The following CACNA1S variants were observed in gnomAD, a reference collection of about 807,000 sequenced individuals.
CACNA1S encodes voltage-dependent L-type calcium channel subunit alpha-1S.
In CACNA1S, 126 loss-of-function variants were observed where a neutral mutation model predicts 207.4. That is an observed-to-expected ratio of 0.61 (90% CI 0.53 to 0.70). CACNA1S has a LOEUF of 0.70. Ranked by LOEUF, CACNA1S falls within the 30% of genes least tolerant of loss-of-function variation. CACNA1S has a pLI of 0.00. For synonymous variants in CACNA1S, 960 were observed against 932.7 expected, an observed-to-expected ratio of 1.03 and a Z score of -0.53; for missense variants, 2,349 against 2,422.8, an observed-to-expected ratio of 0.97 and a Z score of 0.64.
intron 32 of CACNA1S, among the ~76,000 whole-genome samples, chr1:201,052,296 G>A (rs927663332): frequency 6.6e-6 from 1 of 152,244 alleles, no homozygotes. Flanking sequence ...GATGAGATGG[G>A]AGGAAAATGC....
Position 201,043,301 on chromosome 1 carries a change from G to C in CACNA1S, c.5028C>G (p.Ser1676Arg). ...ANVAYGNSNH[S>R]NSHVFSSVHY... Reference sequence around the variant, plus strand: ...ACTACCTGGAAAACACATGGCTGTTGCTATGGTTGCTGTTGCCATAGGCGA... The same window carrying C: ...ACTACCTGGAAAACACATGGCTGTTCCTATGGTTGCTGTTGCCATAGGCGA... The change falls in exon 40 of 44, where the codon AGC becomes AGG. Residue 1676 changes from serine to arginine, a missense_variant. Coordinates refer to ENST00000362061, the MANE Select transcript of CACNA1S (RefSeq NM_000069.3). 1.2e-6 allele frequency: 2 copies of C among 1,614,214 alleles called. No homozygotes were observed. Among genetic ancestry groups the C allele is most frequent in the Admixed American group, 1.7e-5 (1 of 60,030 alleles).
At chr1:201,105,818 G>A (rs1170966359) in intron 2 of CACNA1S, among the ~76,000 whole-genome samples, 2 of 152,062 alleles carry the variant, frequency 1.3e-5, no homozygotes, top group Non-Finnish European at 2.9e-5. Context: ...GGATATGGAG[G>A]GACACTGCCA....
intron 34 of CACNA1S, 43 bp downstream of exon 34, chr1:201,050,346 C>T (rs1660608289): frequency 6.2e-7 from 1 of 1,611,366 alleles, no homozygotes; most frequent in East Asian, 2.2e-5. Flanking sequence ...TAGGAAGGGT[C>T]TAGGATGGAG....
Position 201,058,417 on chromosome 1 carries a change from A to G in CACNA1S, c.3600T>C (p.Ser1200=). Residue 1200 remains serine (S), a synonymous_variant, in exon 28 of 44, where the codon AGT becomes AGC. Coordinates refer to ENST00000362061, the MANE Select transcript of CACNA1S (RefSeq NM_000069.3). ...VIGSIIDVIL[S]EIDTFLASSG... ...CCTGCCTGATACTCACGTCGATCTCACTGAGGATGACATCAATGATGCTGC... is the reference window on the plus strand; with the variant it reads ...CCTGCCTGATACTCACGTCGATCTCGCTGAGGATGACATCAATGATGCTGC... 6.2e-7 allele frequency: 1 copy of G among 1,613,894 alleles called. No homozygotes were observed. The highest frequency in any genetic ancestry group is 8.5e-7 in the Non-Finnish European group (1 of 1,179,752).
At chr1:201,080,237 C>G (rs1458472189) in intron 10 of CACNA1S, among the ~76,000 whole-genome samples, 1 of 152,188 alleles carries the variant, frequency 6.6e-6, no homozygotes, top group Non-Finnish European at 1.5e-5. Flanking sequence ...AAAGGCACAT[C>G]AAACTCACCA....
chr1:201,111,391 T>C (rs1423265292), intron 1 of CACNA1S, among the ~76,000 whole-genome samples: 1 of 152,078 alleles, frequency 6.6e-6, no homozygotes, highest in African/African-American at 2.4e-5. Context: ...CCCTTCTCTC[T>C]GTCACTCCTT....
At chr1:201,107,137 A>G (rs890862364) in intron 2 of CACNA1S, among the ~76,000 whole-genome samples, 3 of 152,248 alleles carry the variant, frequency 2.0e-5, no homozygotes, top group Non-Finnish European at 4.4e-5. Flanking sequence ...CATTGTCCCA[A>G]TGGACTTCAC....
chr1:201,085,027 T>C lies in CACNA1S; in HGVS notation c.1155A>G (p.Lys385=). 6.2e-7 allele frequency: 1 copy of C among 1,609,848 alleles called. No homozygotes were observed. Among genetic ancestry groups the C allele is most frequent in the Admixed American group, 1.7e-5 (1 of 60,024 alleles). Residue 385 remains lysine (K), a synonymous_variant, in exon 9 of 44, where the codon AAA becomes AAG. Coordinates refer to ENST00000362061, the MANE Select transcript of CACNA1S (RefSeq NM_000069.3). ...VMDVEDFREG[K]LSLDEGGSDT... is the part of the protein sequence containing the mutation. ...CAGAGCCACCTTCATCCAAAGACAG[T>C]TTTCCTGGAGACAGGAGAGAAAGAG...
chr1:201,069,327 A>T (rs1438094195), intron 18 of CACNA1S, 131 bp from the exon 19 acceptor site: 4 of 1,405,020 alleles, frequency 2.8e-6, no homozygotes, highest in African/African-American at 1.4e-5. Flanking sequence ...GAAGGAGTGG[A>T]GTGGGCAGTC....
rs772749536 is a variant in CACNA1S at position 201,084,919 on chromosome 1, G to A, written c.1232+31C>T. On this transcript the variant is annotated intron_variant, in intron 9 of 43. Transcript: ENST00000362061. ...TCATGTCTCAGGGAGCTGGGGGTTG[G>A]GGGTTCCTGGGGCAGTGGGCAGATA... is the stretch of plus-strand genomic sequence containing the variant. 4 of 1,496,962 alleles carry A rather than the reference G, an allele frequency of 2.7e-6. No homozygotes were observed. The South Asian group carries it at 3.4e-5, about 13-fold the overall frequency. The allele number at this position is 1,496,962 out of a possible 1,614,324, so 92.7% of individuals were successfully genotyped here.
intron 23 of CACNA1S, 148 bp downstream of exon 23, chr1:201,062,314 C>A: frequency 1.0e-6 from 1 of 976,704 alleles, no homozygotes; most frequent in Non-Finnish European, 1.6e-6. Flanking sequence ...GGCCGTCATC[C>A]ACCAACACAC....
chr1:201,058,353 T>G (rs1660921622), intron 28 of CACNA1S, 55 bp downstream of exon 28: 1 of 1,451,474 alleles, frequency 6.9e-7, no homozygotes, highest in Admixed American at 1.7e-5. Context: ...ATCTGTGGAT[T>G]GAACACATGC....
intron 1 of CACNA1S, among the ~76,000 whole-genome samples, chr1:201,110,613 T>A (rs1483289578): frequency 6.6e-6 from 1 of 152,164 alleles, no homozygotes; most frequent in Non-Finnish European, 1.5e-5. Flanking sequence ...CCTTGCCTGC[T>A]CCCAAGGAGC....
chr1:201,085,103 CCGAGACAAGGGCCCA>C, intron 8 of CACNA1S, 72 bp from the exon 9 acceptor site: 2 of 1,052,310 alleles, frequency 1.9e-6, no homozygotes, highest in Non-Finnish European at 2.9e-6. Flanking sequence ...GACTGGGCAC[CCGAGACAAGGGCCCA>C]TTGACCAGAG....
rs757006372 is a variant in CACNA1S, at chr1:201,078,021, T to A, written c.1477A>T (p.Met493Leu). Residue 493 changes from methionine (M) to leucine (L), a missense_variant, in exon 11 of 44, where the codon ATG (methionine) becomes TTG (leucine). Transcript: ENST00000362061. ...MYGLGLRQYF[M>L]SIFNRFDCFV... The stretch of plus-strand genomic sequence containing the variant: ...CAGTCGAAGCGGTTGAAGATAGACA[T>A]GAAGTACTGGCGCAGGCCCAGCCCG... 1.2e-6 allele frequency: 2 copies of A among 1,614,090 alleles called. No individual in the cohort carries two copies. The highest frequency in any genetic ancestry group is 3.3e-5 in the Admixed American group (2 of 60,024).
At chr1:201,068,495 G>A (rs529841714) in intron 19 of CACNA1S, among the ~76,000 whole-genome samples, 36 of 150,542 alleles carry the variant, frequency 2.4e-4, no homozygotes, top group African/African-American at 6.8e-4. Flanking sequence ...CGCCCGCCTC[G>A]GCCTCCCAAA....
At chr1:201,108,538 C>T (rs1484488633) in intron 2 of CACNA1S, among the ~76,000 whole-genome samples, 1 of 152,138 alleles carries the variant, frequency 6.6e-6, no homozygotes, top group Non-Finnish European at 1.5e-5. Context: ...CATTCAGGGA[C>T]ATGGAGACTA....
chr1:201,047,403 C>T lies in CACNA1S; in HGVS notation c.4543+122G>A. The T allele has an allele frequency of 2.4e-6, 3 of 1,231,600 alleles. No individual in the cohort carries two copies. The South Asian group carries it at 3.8e-5, about 15-fold the overall frequency. 76.3% of individuals were successfully genotyped at this position (1,231,600 alleles called of 1,614,324 possible). A position where few individuals can be genotyped will look rare whatever the true frequency, so the allele number is the denominator to read the frequency against. ...TCCTGAGGTTGGATGCCCGTGGGAT[C>T]TACCTAAGGCATTTATGGAGGATCT... On this transcript the variant is annotated intron_variant, in intron 37 of 43. Transcript: ENST00000362061.
chr1:201,062,702 C>A (rs1661105593), intron 22 of CACNA1S, among the ~76,000 whole-genome samples, 188 bp from the exon 23 acceptor site: 1 of 152,254 alleles, frequency 6.6e-6, no homozygotes, highest in Non-Finnish European at 1.5e-5. Flanking sequence ...GAGCAGCCTC[C>A]TTTCTTCACC....
Sources: allele counts gnomAD v4.1 joint callset (sites outside exome capture counted in the v4.1 genomes callset), GRCh38; gene constraint gnomAD v4.1.1; transcripts MANE v1.5; gene names NCBI Gene and HGNC (gene_info 2026-07-23, HGNC 2026-07-21).